The following PLXND1 variants were observed in gnomAD, a reference collection of about 807,000 sequenced individuals.
PLXND1 encodes plexin-D1.
Under a neutral mutation model 197.7 loss-of-function variants are expected in PLXND1, and 54 were observed. The ratio of observed to expected loss-of-function variants is 0.27; its 90% CI spans 0.22 to 0.34. The LOEUF is 0.34. PLXND1 is among the 10% of genes least tolerant of loss of function. The pLI, the probability that PLXND1 is intolerant of heterozygous loss-of-function variation, is 1.00. For missense variants in PLXND1, 2,127 were observed against 2,699.2 expected (o/e 0.79, Z 4.70); for synonymous variants, 1,180 against 1,161.2 (o/e 1.02, Z -0.33).
rs2085110333 is a variant in PLXND1 at position 129,564,528 on chromosome 3, G to A, written c.4521+812C>T. 2.0e-5 allele frequency among the ~76,000 whole-genome samples: 3 copies of A among 152,194 alleles called. No homozygotes were observed. In the South Asian group the frequency reaches 6.2e-4, roughly 32 times the overall value. Reference sequence around the variant, plus strand: ...CAGAACATCCGAGGCCCCGGTTCTGGGCTCCAGGCAGGCCTTTGCCTTTCT... The same window carrying A: ...CAGAACATCCGAGGCCCCGGTTCTGAGCTCCAGGCAGGCCTTTGCCTTTCT... On this transcript the variant is annotated intron_variant, in intron 25 of 35. Coordinates refer to ENST00000324093, the MANE Select transcript of PLXND1 (RefSeq NM_015103.3).
intron 34 of PLXND1, 61 bp from the exon 35 acceptor site, chr3:129,556,752 G>T: frequency 8.3e-7 from 1 of 1,206,354 alleles, no homozygotes; most frequent in Non-Finnish European, 1.2e-6. Context: ...CCTAGTCCCA[G>T]CAAAGCCAGC....
At chr3:129,567,348 C>T in intron 22 of PLXND1, 144 bp downstream of exon 22, 1 of 624,994 alleles carries the variant, frequency 1.6e-6, no homozygotes, top group East Asian at 2.7e-5. Context: ...CGTGGCAGGC[C>T]AGGGCAAGTG....
chr3:129,584,918 A>T (rs967853721), intron 5 of PLXND1, among the ~76,000 whole-genome samples: 2 of 152,038 alleles, frequency 1.3e-5, no homozygotes, highest in African/African-American at 4.8e-5. Flanking sequence ...CCAGATGCTC[A>T]CCCTGGCTCC....
chr3:129,603,272 G>A (rs1164852302), intron 1 of PLXND1, among the ~76,000 whole-genome samples: 1 of 152,208 alleles, frequency 6.6e-6, no homozygotes, highest in Non-Finnish European at 1.5e-5. Flanking sequence ...CCCTGGAGAG[G>A]CCCTGTCCCC....
At position 129,559,536 on chromosome 3, in the gene PLXND1, G is replaced by A. The variant is rs922238500; in HGVS notation, c.5297+84C>T. On this transcript the variant is annotated intron_variant, in intron 32 of 35. Transcript: ENST00000324093. ...GAGGAGGGCTTGACCCCAAGCAGGC[G>A]AGGCCAGAAGACTAGACTCTGAACC... The A allele has an allele frequency of 6.3e-6, 7 of 1,111,528 alleles. No homozygotes were observed. In the Admixed American group the frequency reaches 9.8e-5, roughly 16 times the overall value. The allele number at this position is 1,111,528 out of a possible 1,614,324, so 68.9% of individuals were successfully genotyped here. A position where few individuals can be genotyped will look rare whatever the true frequency, so the allele number is the denominator to read the frequency against.
chr3:129,560,726 G>T lies in PLXND1; in HGVS notation c.4994-3C>A. 6.3e-7 allele frequency: 1 copy of T among 1,583,820 alleles called. No individual in the cohort carries two copies. The highest frequency in any genetic ancestry group is 1.1e-5 in the South Asian group (1 of 90,366). ...CTTCTCTGTGTCCAAGTCTTTCACTGTGAGAGGAAAAACACAATAAATAAA... is the reference window on the plus strand; with the variant it reads ...CTTCTCTGTGTCCAAGTCTTTCACTTTGAGAGGAAAAACACAATAAATAAA... On this transcript the variant is annotated splice_polypyrimidine_tract_variant and splice_region_variant and intron_variant, in intron 29 of 35. Coordinates refer to ENST00000324093, the MANE Select transcript of PLXND1 (RefSeq NM_015103.3).
At position 129,555,591 on chromosome 3, in the gene PLXND1, T is replaced by A. The variant is rs558276490; in HGVS notation, c.*721A>T. The A allele has an allele frequency of 3.5e-4, 224 of 640,208 alleles. No homozygotes were observed. Among genetic ancestry groups the A allele is most frequent in the Non-Finnish European group, 5.4e-4 (195 of 362,416 alleles). 39.7% of individuals were successfully genotyped at this position (640,208 alleles called of 1,614,324 possible). ...ATCTTTAGAAACACTTTCAGCAAGATCAAGTAGCCCAGCTACAGCCTCGGT... is the reference window on the plus strand; with the variant it reads ...ATCTTTAGAAACACTTTCAGCAAGAACAAGTAGCCCAGCTACAGCCTCGGT... On this transcript the variant is annotated 3_prime_UTR_variant, in exon 36 of 36. Coordinates refer to ENST00000324093, the MANE Select transcript of PLXND1 (RefSeq NM_015103.3).
intron 31 of PLXND1, 134 bp from the exon 32 acceptor site, chr3:129,559,917 C>G: frequency 3.9e-6 from 3 of 761,072 alleles, no homozygotes; most frequent in East Asian, 5.6e-5. Context: ...GGCTGGTCAC[C>G]GAGCCTCTCT....
intron 26 of PLXND1, 74 bp downstream of exon 26, chr3:129,563,020 G>A (rs902647523): frequency 4.6e-5 from 74 of 1,610,316 alleles, no homozygotes; most frequent in Non-Finnish European, 6.1e-5. Context: ...GCAAGGCCCT[G>A]CAGAGGAAGG....
chr3:129,579,472 G>A (rs1305171668), intron 8 of PLXND1, among the ~76,000 whole-genome samples: 6 of 152,148 alleles, frequency 3.9e-5, no homozygotes, highest in African/African-American at 1.2e-4. Flanking sequence ...GGCTGTTCCC[G>A]CCATGTCCAC....
At chr3:129,603,080 C>T (rs533247345) in intron 1 of PLXND1, among the ~76,000 whole-genome samples, 7 of 152,330 alleles carry the variant, frequency 4.6e-5, no homozygotes, top group African/African-American at 1.2e-4. Context: ...AGGCCCAGAC[C>T]GGGGACCTTG....
rs2625962 is a variant in PLXND1 at position 129,574,340 on chromosome 3, T to C, written c.2681A>G (p.His894Arg). Residue 894 changes from histidine to arginine, a missense_variant, in exon 12 of 36, where the codon CAC (histidine) becomes CGC (arginine). Transcript: ENST00000324093. Reference sequence around the variant, plus strand: ...GCCTCCACTGGGCATGCTTACCGCGTGGATCTCGGGGGCGGGGCAGGTGCC... The same window carrying C: ...GCCTCCACTGGGCATGCTTACCGCGCGGATCTCGGGGGCGGGGCAGGTGCC... ...MAGTCPAPEI[H>R]AIEPLSGPLD... The C allele has an allele frequency of 1, 1,598,554 of 1,601,410 alleles. 797,893 individuals are homozygous for C. The highest frequency in any genetic ancestry group is 1 in the Non-Finnish European group (1,174,593 of 1,174,712).
rs769185921 is a variant in PLXND1, at chr3:129,606,030, C to T, written c.610G>A (p.Gly204Ser). 1 of 1,600,178 alleles carries T rather than the reference C, an allele frequency of 6.2e-7. No homozygotes were observed. The highest frequency in any genetic ancestry group is 1.1e-5 in the South Asian group (1 of 90,190). Residue 204 changes from glycine to serine, a missense_variant, in exon 1 of 36, where the codon GGC becomes AGC. Coordinates refer to ENST00000324093, the MANE Select transcript of PLXND1 (RefSeq NM_015103.3). ...LVLPPAAGAGGSRLLVGATYT... is the reference protein window; with the variant it reads ...LVLPPAAGAGSSRLLVGATYT... ...GTGGCGCCCACGAGCAGGCGGCTGC[C>T]CCCCGCGCCCGCGGCGGGAGGCAGA...
Position 129,583,672 on chromosome 3 carries a change from G to C in PLXND1, c.2139-3C>G. On this transcript the variant is annotated splice_polypyrimidine_tract_variant and splice_region_variant and intron_variant, in intron 7 of 35. Transcript: ENST00000324093. The stretch of plus-strand genomic sequence containing the variant: ...GTGCCGACAGGCAGCTGGTACAGCT[G>C]GAAGACAAGGAGGCCCCTCAACTCC... The C allele has an allele frequency of 6.2e-7, 1 of 1,604,908 alleles. No individual in the cohort carries two copies. Among genetic ancestry groups the C allele is most frequent in the Non-Finnish European group, 8.5e-7 (1 of 1,173,338 alleles).
rs1373813181 is a variant in PLXND1 at position 129,558,246 on chromosome 3, C to T, written c.5445+182G>A. 2.0e-5 allele frequency among the ~76,000 whole-genome samples: 3 copies of T among 152,230 alleles called. No homozygotes were observed. Among genetic ancestry groups the T allele is most frequent in the Non-Finnish European group, 4.4e-5 (3 of 68,048 alleles). On this transcript the variant is annotated intron_variant, in intron 33 of 35. Transcript: ENST00000324093. This position sits in a 1 kb window ranked among gnomAD's most constrained non-coding sequence, Gnocchi z 4.1. ...CAGAGTTTCTGATGGAAGGTACTGG[C>T]TTCTAGGTGTCTCCCTGTCTGAATG...
intron 29 of PLXND1, 139 bp from the exon 30 acceptor site, chr3:129,560,862 G>GAGAGAA: frequency 1.4e-6 from 1 of 704,094 alleles, no homozygotes; most frequent in Non-Finnish European, 2.6e-6. Flanking sequence ...GAAAGATGGA[G>GAGAGAA]AGAGAAACAG....
At position 129,605,892 on chromosome 3, in the gene PLXND1, C is replaced by T. The variant is rs1432513227; in HGVS notation, c.748G>A (p.Ala250Thr). The T allele has an allele frequency of 1.2e-6, 2 of 1,612,734 alleles. No homozygotes were observed. Among genetic ancestry groups the T allele is most frequent in the Non-Finnish European group, 1.7e-6 (2 of 1,179,562 alleles). Residue 250 changes from alanine (A) to threonine (T), a missense_variant, in exon 1 of 36, where the codon GCC (alanine) becomes ACC (threonine). Around this residue, in one of 6 missense-constraint regions of PLXND1, gnomAD observed 1,095 missense variants for 1,259.8 expected, o/e 0.87. Transcript: ENST00000324093. The stretch of plus-strand genomic sequence containing the variant: ...TTGAGGTCGAAGGTGAAGAGCTTGG[C>T]CAGGTCGCCGCGCGTGTCCAGGGAG... ...IRSLDTRGDL[A>T]KLFTFDLNPS...
chr3:129,599,267 G>T (rs1435979174), intron 1 of PLXND1, among the ~76,000 whole-genome samples: 3 of 152,262 alleles, frequency 2.0e-5, no homozygotes, highest in African/African-American at 4.8e-5. Flanking sequence ...TGCCGGGCCC[G>T]ATGCGCGTGG....
At position 129,605,694 on chromosome 3, in the gene PLXND1, T is replaced by C. The variant is rs2085780350; in HGVS notation, c.946A>G (p.Ser316Gly). ...GGCAGGCAGATGCGCGCCAGCAGGC[T>C]CCGCGCCTGGCTCTCCTTGTCGCCC... ...RAGDKESQAR[S>G]LLARICLPHG... The change falls in exon 1 of 36, where the codon AGC (serine) becomes GGC (glycine). Residue 316 changes from serine to glycine, a missense_variant. By Grantham distance (56) the Ser-to-Gly change is moderately conservative. Around this residue, in one of 6 missense-constraint regions of PLXND1, gnomAD observed 1,095 missense variants for 1,259.8 expected, o/e 0.87. Coordinates refer to ENST00000324093, the MANE Select transcript of PLXND1 (RefSeq NM_015103.3). The C allele has an allele frequency of 1.3e-6, 2 of 1,538,638 alleles. No homozygotes were observed. The highest frequency in any genetic ancestry group is 1.7e-6 in the Non-Finnish European group (2 of 1,144,900).
Sources: allele counts gnomAD v4.1 joint callset (sites outside exome capture counted in the v4.1 genomes callset), GRCh38; gene constraint gnomAD v4.1.1; regional missense constraint gnomAD v4.1.1; non-coding constraint Gnocchi (gnomAD v3.1); transcripts MANE v1.5; gene names NCBI Gene and HGNC (gene_info 2026-07-23, HGNC 2026-07-21).